The following RNF121 variants were observed in gnomAD, a reference collection of about 807,000 sequenced individuals.
RNF121 encodes the protein E3 ubiquitin ligase RNF121.
RNF121 carries 21 observed loss-of-function variants against 46.5 expected under a neutral mutation model. That is an observed-to-expected ratio of 0.45 (90% CI 0.32 to 0.65). The LOEUF is 0.65. Among genes scored for constraint, RNF121 ranks in the 30% least tolerant of loss-of-function variants. The pLI, the probability that RNF121 is intolerant of heterozygous loss-of-function variation, is 0.04. For synonymous variants in RNF121, 139 were observed against 144.7 expected, an observed-to-expected ratio of 0.96 and a Z score of 0.28; for missense variants, 346 against 416.0, an observed-to-expected ratio of 0.83 and a Z score of 1.46.
chr11:71,983,523 A>G (rs562386065), intron 4 of RNF121: 2 of 152,390 alleles, frequency 1.3e-5, no homozygotes, highest in South Asian at 4.1e-4. Context: ...CACTGCCTGT[A>G]TAATTCTTTT....
At chr11:71,948,376 C>T (rs762782614) in intron 1 of RNF121, among the ~76,000 whole-genome samples, 36 of 151,788 alleles carry the variant, frequency 2.4e-4, no homozygotes, top group Admixed American at 3.9e-4. Context: ...ATTAGCCGGG[C>T]GTGGTGGCTG....
chr11:71,990,504 C>G, intron 5 of RNF121, 93 bp from the exon 6 acceptor site: 1 of 1,498,876 alleles, frequency 6.7e-7, no homozygotes, highest in Non-Finnish European at 9.0e-7. Context: ...TGGGCCTTCT[C>G]GCTTTGGGCC....
At chr11:71,952,500 G>T (rs1221244509) in intron 1 of RNF121, among the ~76,000 whole-genome samples, 2 of 152,194 alleles carry the variant, frequency 1.3e-5, no homozygotes, top group Non-Finnish European at 2.9e-5. Context: ...GTGGGATACA[G>T]ACTGATGTTA....
chr11:71,963,610 C>T (rs1954194273), intron 3 of RNF121, among the ~76,000 whole-genome samples: 1 of 151,766 alleles, frequency 6.6e-6, no homozygotes, highest in South Asian at 2.1e-4. Context: ...CAGAGCAAGA[C>T]TCCTTCCCAA....
At chr11:71,944,387 G>T (rs1953664142) in intron 1 of RNF121, among the ~76,000 whole-genome samples, 1 of 152,200 alleles carries the variant, frequency 6.6e-6, no homozygotes, top group African/African-American at 2.4e-5. Flanking sequence ...ATTATAGAAA[G>T]ATCATTCTTG....
chr11:71,933,806 C>T (rs1953333157), intron 1 of RNF121, among the ~76,000 whole-genome samples: 1 of 152,212 alleles, frequency 6.6e-6, no homozygotes, highest in Non-Finnish European at 1.5e-5. Flanking sequence ...ACAGTAGGCA[C>T]CCAATAAGTA....
chr11:71,996,487 T>A lies in RNF121; in HGVS notation c.*172T>A. On this transcript the variant is annotated 3_prime_UTR_variant, in exon 9 of 9. Coordinates refer to ENST00000361756, the MANE Select transcript of RNF121 (RefSeq NM_018320.5). ...AGGGATATGATGGAGAGCCAGCCAGTGGGGCTGTCAGCAGTGGGGGGCTTT... is the reference window on the plus strand; with the variant it reads ...AGGGATATGATGGAGAGCCAGCCAGAGGGGCTGTCAGCAGTGGGGGGCTTT... 1.5e-6 allele frequency: 1 copy of A among 670,236 alleles called. No individual in the cohort carries two copies. The highest frequency in any genetic ancestry group is 2.4e-6 in the Non-Finnish European group (1 of 410,784). 41.5% of individuals were successfully genotyped at this position (670,236 alleles called of 1,614,324 possible).
chr11:71,957,138 T>A (rs980883985), intron 1 of RNF121, 89 bp from the exon 2 acceptor site: 6 of 865,500 alleles, frequency 6.9e-6, no homozygotes, highest in Middle Eastern at 2.4e-4. Context: ...TCTAATTCCT[T>A]GAAGATACTG....
At position 71,982,835 on chromosome 11, in the gene RNF121, G is replaced by T. The variant is rs1004350097; in HGVS notation, c.318G>T (p.Val106=). 1 of 1,614,008 alleles carries T rather than the reference G, an allele frequency of 6.2e-7. No individual in the cohort carries two copies. Among genetic ancestry groups the T allele is most frequent in the Non-Finnish European group, 8.5e-7 (1 of 1,179,962 alleles). ...AGCTGCACTGGTGGAGGTTCCTAGTGATCTGGATCTTGTTCTCTGCTGTCA... is the reference window on the plus strand; with the variant it reads ...AGCTGCACTGGTGGAGGTTCCTAGTTATCTGGATCTTGTTCTCTGCTGTCA... ...TVKLHWWRFL[V]IWILFSAVTA... Residue 106 remains valine, a synonymous_variant, in exon 4 of 9, where the codon GTG becomes GTT. Transcript: ENST00000361756.
intron 4 of RNF121, among the ~76,000 whole-genome samples, chr11:71,986,021 C>T (rs1565160955): frequency 6.6e-6 from 1 of 152,124 alleles, no homozygotes; most frequent in African/African-American, 2.4e-5. Context: ...TTAGGTTGTA[C>T]ACTGTCTTCA....
chr11:71,957,930 T>A (rs1357027392), intron 2 of RNF121, among the ~76,000 whole-genome samples: 2 of 152,228 alleles, frequency 1.3e-5, no homozygotes, highest in African/African-American at 2.4e-5. Flanking sequence ...AGAAAAAACC[T>A]ATTGATTTTA....
At chr11:71,986,769 C>CAAAA in intron 4 of RNF121, among the ~76,000 whole-genome samples, 1 of 71,964 alleles carries the variant, frequency 1.4e-5, no homozygotes, top group Non-Finnish European at 2.8e-5. Flanking sequence ...ACTCTCATCT[C>CAAAA]AAAAAAAAAA....
chr11:71,986,738 C>T (rs1275652490), intron 4 of RNF121, among the ~76,000 whole-genome samples: 2 of 143,576 alleles, frequency 1.4e-5, no homozygotes, highest in Middle Eastern at 3.4e-3. Flanking sequence ...CACTGCACTC[C>T]AGCTTGGGTG....
Position 71,996,791 on chromosome 11 carries a change from C to A in RNF121, c.*476C>A. The A allele has an allele frequency of 6.2e-6, 1 of 160,246 alleles. No homozygotes were observed. The highest frequency in any genetic ancestry group is 1.4e-5 in the Non-Finnish European group (1 of 71,956). 9.9% of individuals were successfully genotyped at this position (160,246 alleles called of 1,614,324 possible). On this transcript the variant is annotated 3_prime_UTR_variant, in exon 9 of 9. Coordinates refer to ENST00000361756, the MANE Select transcript of RNF121 (RefSeq NM_018320.5). The stretch of plus-strand genomic sequence containing the variant: ...AGCTAACGTACTCAGGCTTGTGCCA[C>A]GGGTGAGCACTGAGGCCCCAGGTGT...
At chr11:71,967,969 T>G (rs1954326771) in intron 3 of RNF121, among the ~76,000 whole-genome samples, 1 of 152,246 alleles carries the variant, frequency 6.6e-6, no homozygotes, top group African/African-American at 2.4e-5. Context: ...GAATAAGCCT[T>G]CTGACATAAT....
chr11:71,960,987 T>C lies in RNF121; in HGVS notation c.243+96T>C. ...CAGCCTAACCCAGGCCACATGGAGGTGGAGAAAGACAATAACAATGAACTT... is the reference window on the plus strand; with the variant it reads ...CAGCCTAACCCAGGCCACATGGAGGCGGAGAAAGACAATAACAATGAACTT... On this transcript the variant is annotated intron_variant, in intron 3 of 8. Coordinates refer to ENST00000361756, the MANE Select transcript of RNF121 (RefSeq NM_018320.5). The C allele has an allele frequency of 2.9e-6, 4 of 1,367,804 alleles. No individual in the cohort carries two copies. The South Asian group carries it at 5.2e-5, about 18-fold the overall frequency. The allele number at this position is 1,367,804 out of a possible 1,614,324, so 84.7% of individuals were successfully genotyped here. A position where few individuals can be genotyped will look rare whatever the true frequency, so the allele number is the denominator to read the frequency against.
intron 3 of RNF121, among the ~76,000 whole-genome samples, chr11:71,981,832 A>C (rs1954666142): frequency 6.6e-6 from 1 of 152,160 alleles, no homozygotes; most frequent in South Asian, 2.1e-4. Flanking sequence ...AGGAAGTGGG[A>C]ATATGGCCCA....
At chr11:71,932,958 C>A (rs185584471) in intron 1 of RNF121, among the ~76,000 whole-genome samples, 1 of 152,276 alleles carries the variant, frequency 6.6e-6, no homozygotes, top group African/African-American at 2.4e-5. Flanking sequence ...TGGGCCTAGC[C>A]AGCTCAGCTC....
chr11:71,946,749 G>A (rs1953731557), intron 1 of RNF121, among the ~76,000 whole-genome samples: 1 of 150,212 alleles, frequency 6.7e-6, no homozygotes, highest in Non-Finnish European at 1.5e-5. Context: ...ATCTCCCTCT[G>A]TTACCCAGGC....
Sources: allele counts gnomAD v4.1 joint callset (sites outside exome capture counted in the v4.1 genomes callset), GRCh38; gene constraint gnomAD v4.1.1; transcripts MANE v1.5; gene names NCBI Gene and HGNC (gene_info 2026-07-23, HGNC 2026-07-21).